FBXO28: variants seen among roughly 807,000 people sequenced by gnomAD.
The protein encoded by FBXO28 is F-box only protein 28.
FBXO28 carries 8 observed loss-of-function variants against 38.1 expected under a neutral mutation model. The ratio of observed to expected loss-of-function variants is 0.21; its 90% CI spans 0.12 to 0.38. The LOEUF is 0.38. Among genes scored for constraint, FBXO28 ranks in the 10% least tolerant of loss-of-function variants. The pLI is 1.00. For missense variants in FBXO28, 345 were observed against 460.6 expected (o/e 0.75, Z 2.30); for synonymous variants, 168 against 173.8 (o/e 0.97, Z 0.26).
chr1:224,157,022 A>T (rs1265325706), intron 4 of FBXO28, among the ~76,000 whole-genome samples: 2 of 144,932 alleles, frequency 1.4e-5, no homozygotes, highest in African/African-American at 5.0e-5. Context: ...AAAAATTATT[A>T]TTTTCTAATT....
At chr1:224,135,626 AAAAAAAAAAG>A (rs1275907322) in intron 3 of FBXO28, among the ~76,000 whole-genome samples, 5 of 102,254 alleles carry the variant, frequency 4.9e-5, no homozygotes, top group African/African-American at 1.5e-4. Flanking sequence ...AAAAAAAAAA[AAAAAAAAAAG>A]AAAAAGAAAA....
intron 1 of FBXO28, among the ~76,000 whole-genome samples, chr1:224,118,479 G>A (rs1366114177): frequency 6.6e-6 from 1 of 152,108 alleles, no homozygotes; most frequent in Non-Finnish European, 1.5e-5. Context: ...TTGACTAAAG[G>A]TTAAGTTGAG....
chr1:224,128,876 C>T (rs1656967053), intron 1 of FBXO28, among the ~76,000 whole-genome samples: 1 of 148,270 alleles, frequency 6.7e-6, no homozygotes, highest in African/African-American at 2.5e-5. Context: ...GTCTCAGCTA[C>T]TTGGGAGGCT....
intron 1 of FBXO28, among the ~76,000 whole-genome samples, chr1:224,127,868 C>T (rs1656941978): frequency 6.6e-6 from 1 of 152,220 alleles, no homozygotes; most frequent in Non-Finnish European, 1.5e-5. Flanking sequence ...GATCACGCCA[C>T]TGCACTTCAA....
At chr1:224,146,066 CAAA>C (rs577982501) in intron 3 of FBXO28, among the ~76,000 whole-genome samples, 1 of 106,420 alleles carries the variant, frequency 9.4e-6, no homozygotes, top group Non-Finnish European at 2.0e-5. Flanking sequence ...AACTCCTTCT[CAAA>C]AAAAAAAAAA....
At chr1:224,130,607 G>T in intron 2 of FBXO28, 26 bp downstream of exon 2, 1 of 1,477,288 alleles carries the variant, frequency 6.8e-7, no homozygotes, top group South Asian at 1.1e-5. Context: ...CAATGACAAT[G>T]ATGTACAGTT....
In FBXO28 at chr1:224,151,382, A is replaced by G. The variant is rs145077671; in HGVS notation, c.517-1760A>G. ...TCTCCTATGATGTCTTCTCAGGCTT[A>G]TGATAAGGATACATCCTAAGGTTAG... On this transcript the variant is annotated intron_variant, in intron 3 of 4. Coordinates refer to ENST00000366862, the MANE Select transcript of FBXO28 (RefSeq NM_015176.4). Among the ~76,000 whole-genome samples, 176 of 152,332 alleles carry G rather than the reference A, an allele frequency of 1.2e-3. 1 individual carries two copies. The highest frequency in any genetic ancestry group is 7.8e-3 in the Admixed American group (119 of 15,292).
Position 224,151,388 on chromosome 1 carries a change from A to ATC in FBXO28, c.517-1754_517-1753insTC, listed in dbSNP as rs533108449. 9.2e-5 allele frequency among the ~76,000 whole-genome samples: 14 copies of ATC among 152,324 alleles called. No homozygotes were observed. The South Asian group carries it at 2.9e-3, about 32-fold the overall frequency. On this transcript the variant is annotated intron_variant, in intron 3 of 4. Coordinates refer to ENST00000366862, the MANE Select transcript of FBXO28 (RefSeq NM_015176.4). ...ATGATGTCTTCTCAGGCTTATGATA[A>ATC]GGATACATCCTAAGGTTAGATTTTG...
intron 1 of FBXO28, among the ~76,000 whole-genome samples, chr1:224,121,242 C>T (rs1307287227): frequency 6.6e-6 from 1 of 152,074 alleles, no homozygotes; most frequent in Non-Finnish European, 1.5e-5. Context: ...AAACTGAGAA[C>T]AATCCAAAAG....
At chr1:224,136,016 A>C (rs1004134766) in intron 3 of FBXO28, among the ~76,000 whole-genome samples, 1 of 151,874 alleles carries the variant, frequency 6.6e-6, no homozygotes, top group Non-Finnish European at 1.5e-5. Flanking sequence ...GCCTGGCGAC[A>C]AAGCAAGACT....
intron 1 of FBXO28, among the ~76,000 whole-genome samples, chr1:224,117,560 T>C (rs1240845739): frequency 6.6e-6 from 1 of 152,216 alleles, no homozygotes; most frequent in African/African-American, 2.4e-5. Context: ...ATTATTTGGC[T>C]GAACACAACC....
intron 3 of FBXO28, among the ~76,000 whole-genome samples, chr1:224,143,768 G>A (rs529822925): frequency 2.0e-5 from 3 of 151,262 alleles, no homozygotes; most frequent in East Asian, 1.9e-4. Context: ...CCCGGGAGGC[G>A]GAGCTTGCAG....
intron 1 of FBXO28, among the ~76,000 whole-genome samples, chr1:224,125,963 C>A (rs1395652229): frequency 6.6e-6 from 1 of 152,194 alleles, no homozygotes; most frequent in East Asian, 1.9e-4. Context: ...TATCTGATTT[C>A]TCGACTCAAA....
In FBXO28 at chr1:224,159,146, T is replaced by C. The variant is rs1197439678; in HGVS notation, c.*1400T>C. On this transcript the variant is annotated 3_prime_UTR_variant, in exon 5 of 5. Coordinates refer to ENST00000366862, the MANE Select transcript of FBXO28 (RefSeq NM_015176.4). ...GTAGCTATTTGACTGTTAAGTTCTT[T>C]TAAACAACTGTTTCCTTGGGCTTCA... 2 of 152,668 alleles carry C rather than the reference T, an allele frequency of 1.3e-5. No individual in the cohort carries two copies. Among genetic ancestry groups the C allele is most frequent in the Admixed American group, 1.3e-4 (2 of 15,278 alleles). The allele number at this position is 152,668 out of a possible 1,614,324, so 9.5% of individuals were successfully genotyped here. A position where few individuals can be genotyped will look rare whatever the true frequency, so the allele number is the denominator to read the frequency against.
intron 1 of FBXO28, among the ~76,000 whole-genome samples, chr1:224,117,378 G>A (rs967468487): frequency 2.0e-5 from 3 of 151,884 alleles, no homozygotes; most frequent in Admixed American, 6.6e-5. Flanking sequence ...ATGTTGCCCA[G>A]GCTGGTCTCG....
chr1:224,129,428 A>T (rs1244669280), intron 1 of FBXO28, among the ~76,000 whole-genome samples: 1 of 152,246 alleles, frequency 6.6e-6, no homozygotes, highest in Non-Finnish European at 1.5e-5. Context: ...TCACTAGAAG[A>T]AATAAGTAAT....
chr1:224,117,988 AATTAATTAATTAATTTATTTATTT>A (rs1283902997), intron 1 of FBXO28, among the ~76,000 whole-genome samples: 19 of 148,020 alleles, frequency 1.3e-4, no homozygotes, highest in South Asian at 6.3e-4. Flanking sequence ...GGAGCTTTTT[AATTAATTAATTAATTTATTTATTT>A]ATTTATTTAT....
intron 3 of FBXO28, among the ~76,000 whole-genome samples, chr1:224,135,119 T>C (rs1030714783): frequency 6.6e-6 from 1 of 152,242 alleles, no homozygotes; most frequent in Non-Finnish European, 1.5e-5. Context: ...ATACATTTTC[T>C]TTAAAAGATC....
rs397982996 is a variant in FBXO28 at position 224,136,101 on chromosome 1, G to GTTTTTTTTTTTTT, written c.516+1897_516+1909dup. ...TTTTGGAAACCATTTGTTGACTTCA[G>GTTTTTTTTTTTTT]TTTTTTTTTTTTTTTTTTTTGAGAT... On this transcript the variant is annotated intron_variant, in intron 3 of 4. Coordinates refer to ENST00000366862, the MANE Select transcript of FBXO28 (RefSeq NM_015176.4). 3.6e-3 allele frequency among the ~76,000 whole-genome samples: 272 copies of GTTTTTTTTTTTTT among 75,126 alleles called. 63 individuals carry two copies. Among genetic ancestry groups the GTTTTTTTTTTTTT allele is most frequent in the African/African-American group, 9.1e-3 (163 of 17,988 alleles). 49.3% of individuals were successfully genotyped at this position (75,126 alleles called of 152,430 possible).
Sources: allele counts gnomAD v4.1 joint callset (sites outside exome capture counted in the v4.1 genomes callset), GRCh38; gene constraint gnomAD v4.1.1; transcripts MANE v1.5; gene names NCBI Gene and HGNC (gene_info 2026-07-23, HGNC 2026-07-21).